KIF18A: variants seen among roughly 807,000 people sequenced by gnomAD.
KIF18A encodes kinesin family member 18A.
In KIF18A, 67 loss-of-function variants were observed where a neutral mutation model predicts 103.3. That is an observed-to-expected ratio of 0.65 (90% CI 0.53 to 0.79). The LOEUF (loss-of-function observed/expected upper bound fraction) is 0.79. KIF18A is among the 30% of genes least tolerant of loss of function. KIF18A has a pLI of 0.00. For synonymous variants in KIF18A, 367 were observed against 355.5 expected, an observed-to-expected ratio of 1.03 and a Z score of -0.36; for missense variants, 1,032 against 1,062.5, an observed-to-expected ratio of 0.97 and a Z score of 0.40.
In KIF18A at chr11:28,069,128, G is replaced by C. The variant is rs1347055712; in HGVS notation, c.1590+131C>G. 8.5e-6 allele frequency: 6 copies of C among 703,240 alleles called. No homozygotes were observed. In the East Asian group the frequency reaches 1.7e-4, roughly 20 times the overall value. 43.6% of individuals were successfully genotyped at this position (703,240 alleles called of 1,614,324 possible). On this transcript the variant is annotated intron_variant, in intron 11 of 16. Coordinates refer to ENST00000263181, the MANE Select transcript of KIF18A (RefSeq NM_031217.4). ...AATCACTTAGAAATAACATTTAAAA[G>C]TAAATTAAATCTCAGAGTTATGAGG...
At chr11:28,059,496 T>C (rs1413069815) in intron 12 of KIF18A, among the ~76,000 whole-genome samples, 1 of 152,100 alleles carries the variant, frequency 6.6e-6, no homozygotes, top group Admixed American at 6.5e-5. Flanking sequence ...TGTAGTGGCA[T>C]GATCATCTCA....
At chr11:28,052,894 G>A (rs1294764068) in intron 13 of KIF18A, among the ~76,000 whole-genome samples, 1 of 151,782 alleles carries the variant, frequency 6.6e-6, no homozygotes, top group Non-Finnish European at 1.5e-5. Context: ...AAATGTCAAA[G>A]GATGGCTGGG....
intron 10 of KIF18A, among the ~76,000 whole-genome samples, chr11:28,073,229 G>A (rs1044957175): frequency 6.6e-5 from 10 of 152,068 alleles, no homozygotes; most frequent in African/African-American, 2.2e-4. Flanking sequence ...GTAAGGGAGT[G>A]GGAATTGGCA....
intron 10 of KIF18A, chr11:28,076,659 GCA>G (rs1297244163): frequency 6.4e-6 from 1 of 155,204 alleles, no homozygotes; most frequent in African/African-American, 2.4e-5. Flanking sequence ...ACCAGGCCGG[GCA>G]CAGTGGCTCA....
intron 11 of KIF18A, among the ~76,000 whole-genome samples, chr11:28,063,624 A>C (rs1166869040): frequency 3.3e-5 from 5 of 152,040 alleles, no homozygotes; most frequent in Non-Finnish European, 7.4e-5. Context: ...GATTACACCA[A>C]AGTATAAATG....
At chr11:28,033,094 G>A (rs1270938489) in intron 15 of KIF18A, among the ~76,000 whole-genome samples, 5 of 150,936 alleles carry the variant, frequency 3.3e-5, no homozygotes, top group African/African-American at 1.2e-4. Context: ...TGGCAAAGAA[G>A]CTTATGAAAA....
chr11:28,042,342 C>T (rs1000680372), intron 13 of KIF18A, among the ~76,000 whole-genome samples: 3 of 151,818 alleles, frequency 2.0e-5, no homozygotes, highest in Admixed American at 6.6e-5. Context: ...AGGTTAGGCA[C>T]CCTACTGTCT....
chr11:28,101,395 TAAAC>T (rs1325006746), intron 1 of KIF18A, among the ~76,000 whole-genome samples: 2 of 152,190 alleles, frequency 1.3e-5, no homozygotes, highest in Non-Finnish European at 2.9e-5. Context: ...TATTTCAAAA[TAAAC>T]CTTAGAATCT....
chr11:28,046,434 A>T (rs1003915282), intron 13 of KIF18A, among the ~76,000 whole-genome samples: 9 of 147,670 alleles, frequency 6.1e-5, no homozygotes, highest in Non-Finnish European at 1.2e-4. Flanking sequence ...TTCTCAGTAA[A>T]CTATTGCAAG....
Position 28,023,730 on chromosome 11 carries a change from C to A in KIF18A, c.2614+11G>T. The A allele has an allele frequency of 6.8e-7, 1 of 1,462,260 alleles. No individual in the cohort carries two copies. The highest frequency in any genetic ancestry group is 9.6e-7 in the Non-Finnish European group (1 of 1,042,870). 90.6% of individuals were successfully genotyped at this position (1,462,260 alleles called of 1,614,324 possible). The stretch of plus-strand genomic sequence containing the variant: ...ATACCATTAAATATCAAATTAAAAG[C>A]TGAGACATACCCATTGTTGGTTTGT... On this transcript the variant is annotated intron_variant, in intron 16 of 16. Transcript: ENST00000263181.
chr11:28,021,304 G>A (rs1476213906), intron 16 of KIF18A, 22 bp from the exon 17 acceptor site: 1 of 1,357,890 alleles, frequency 7.4e-7, no homozygotes, highest in Non-Finnish European at 9.6e-7. Flanking sequence ...ATAAAAAGAT[G>A]CATAAATATG....
chr11:28,100,210 T>G (rs1324569616), intron 1 of KIF18A, among the ~76,000 whole-genome samples: 1 of 151,776 alleles, frequency 6.6e-6, no homozygotes, highest in Non-Finnish European at 1.5e-5. Context: ...TCAGTTCAGT[T>G]TTGGATAGCT....
chr11:28,090,273 C>A (rs1851284338), intron 5 of KIF18A, among the ~76,000 whole-genome samples: 1 of 151,866 alleles, frequency 6.6e-6, no homozygotes, highest in Admixed American at 6.6e-5. Context: ...CAGTATGTTC[C>A]CAAATTATTA....
At chr11:28,062,845 A>T (rs926830535) in intron 11 of KIF18A, among the ~76,000 whole-genome samples, 1 of 152,034 alleles carries the variant, frequency 6.6e-6, no homozygotes, top group Non-Finnish European at 1.5e-5. Flanking sequence ...ACTTCCTCAG[A>T]AAGGCTTTCC....
chr11:28,037,486 C>T (rs777297463), intron 13 of KIF18A, among the ~76,000 whole-genome samples: 1 of 151,488 alleles, frequency 6.6e-6, no homozygotes, highest in African/African-American at 2.4e-5. Flanking sequence ...CAGAAGGATA[C>T]ATGTAGGCTA....
intron 12 of KIF18A, among the ~76,000 whole-genome samples, chr11:28,061,717 A>G (rs749321660): frequency 6.6e-6 from 1 of 152,136 alleles, no homozygotes; most frequent in African/African-American, 2.4e-5. Context: ...CAGTTATTTG[A>G]GCATACCAGT....
Position 28,036,300 on chromosome 11 carries a change from A to C in KIF18A, c.2313T>G (p.Thr771=). The C allele has an allele frequency of 6.2e-7, 1 of 1,610,534 alleles. No homozygotes were observed. Among genetic ancestry groups the C allele is most frequent in the Non-Finnish European group, 8.5e-7 (1 of 1,177,802 alleles). The change falls in exon 14 of 17, where the codon ACT becomes ACG. Residue 771 remains threonine, a synonymous_variant. Transcript: ENST00000263181. ...CGQEDLDSTF[T]ICEDIKSSKC... is the part of the protein sequence containing the mutation. ...TCGAGCTCTTGATGTCTTCACATAT[A>C]GTAAATGTAGAGTCCAAGTCCTCCT...
In KIF18A at chr11:28,097,642, C is replaced by CA; in HGVS notation, c.305dup (p.Leu102PhefsTer5). ...AAATACCTGTGCAATTATATCCATT[C>CA]AAAAAACTACGAAGAATTGGCTTAG... is the stretch of plus-strand genomic sequence containing the variant. On this transcript the variant is annotated frameshift_variant, in exon 2 of 17. Transcript: ENST00000263181. LOFTEE classifies it high-confidence loss of function. 6.2e-7 allele frequency: 1 copy of CA among 1,607,170 alleles called. No individual in the cohort carries two copies. Among genetic ancestry groups the CA allele is most frequent in the East Asian group, 2.2e-5 (1 of 44,766 alleles).
At chr11:28,094,912 T>C (rs943451913) in intron 2 of KIF18A, 112 bp from the exon 3 acceptor site, 4 of 1,010,204 alleles carry the variant, frequency 4.0e-6, no homozygotes, top group Non-Finnish European at 6.0e-6. Context: ...CTTTAAACCC[T>C]ACAAATCCAA....
Sources: gnomAD v4.1 joint callset for allele counts (sites outside exome capture counted in the v4.1 genomes callset) on GRCh38, gnomAD v4.1.1 for gene constraint, MANE v1.5 for transcripts, NCBI Gene and HGNC (gene_info 2026-07-23, HGNC 2026-07-21) for gene names.